PCDH11X: variants seen among roughly 807,000 people sequenced by gnomAD.
PCDH11X encodes protocadherin 11 X-linked.
Under a neutral mutation model 53.3 loss-of-function variants are expected in PCDH11X, and 18 were observed. That is an observed-to-expected ratio of 0.34 (90% CI 0.23 to 0.50). PCDH11X has a LOEUF of 0.50. Ranked by LOEUF, PCDH11X falls within the 20% of genes least tolerant of loss-of-function variation. The pLI is 0.98. For missense variants in PCDH11X, 570 were observed against 1,032.4 expected, an observed-to-expected ratio of 0.55 and a Z score of 6.14; for synonymous variants, 279 against 393.3, an observed-to-expected ratio of 0.71 and a Z score of 3.44.
chrX:92,123,155 A>G (rs1333813261), intron 6 of PCDH11X, among the ~76,000 whole-genome samples: 1 of 111,157 alleles, frequency 9.0e-6, no homozygotes, highest in African/African-American at 3.3e-5. Context: ...ATGTTGGCCT[A>G]TGTAAACTTT....
At chrX:92,406,011 C>T (rs776298624) in intron 9 of PCDH11X, among the ~76,000 whole-genome samples, 25 of 100,651 alleles carry the variant, frequency 2.5e-4, no homozygotes, top group South Asian at 4.8e-4. Flanking sequence ...AGGAGAATGG[C>T]GTGAACCCAG....
chrX:92,195,631 C>T (rs1315005313), intron 6 of PCDH11X, among the ~76,000 whole-genome samples: 1 of 110,747 alleles, frequency 9.0e-6, no homozygotes. Flanking sequence ...TTGATGATGG[C>T]AGTTATCCTA....
intron 9 of PCDH11X, among the ~76,000 whole-genome samples, chrX:92,441,426 G>C (rs2148635679): frequency 8.9e-6 from 1 of 111,745 alleles, no homozygotes; most frequent in Admixed American, 9.5e-5. Context: ...TGGTTTCATG[G>C]GCCAGGCCCA....
intron 6 of PCDH11X, among the ~76,000 whole-genome samples, chrX:92,192,413 G>T (rs1309736824): frequency 2.7e-5 from 3 of 111,588 alleles, no homozygotes; most frequent in African/African-American, 9.8e-5. Flanking sequence ...TGTGATCTCG[G>T]CTCACTGCAA....
intron 7 of PCDH11X, among the ~76,000 whole-genome samples, chrX:92,214,202 A>G (rs970027489): frequency 1.8e-5 from 2 of 111,999 alleles, no homozygotes; most frequent in African/African-American, 6.5e-5. Flanking sequence ...GCCTCATTGC[A>G]TTTTGGGTGA....
chrX:91,977,987 T>G (rs1327737714), intron 6 of PCDH11X, among the ~76,000 whole-genome samples: 2 of 111,683 alleles, frequency 1.8e-5, no homozygotes, highest in Non-Finnish European at 3.8e-5. Flanking sequence ...TTTCCCCAGA[T>G]TCAGCAATCT....
At chrX:92,239,022 T>C (rs1371972665) in intron 7 of PCDH11X, among the ~76,000 whole-genome samples, 6 of 111,752 alleles carry the variant, frequency 5.4e-5, no homozygotes, top group Admixed American at 2.9e-4. Flanking sequence ...ATCTTACTTG[T>C]AGTCATTTCA....
At chrX:92,358,257 T>C (rs1157591373) in intron 8 of PCDH11X, among the ~76,000 whole-genome samples, 3 of 99,267 alleles carry the variant, frequency 3.0e-5, no homozygotes. Flanking sequence ...TGGTCATTGA[T>C]GTCATGGAGT....
chrX:92,154,138 G>A (rs2065486302), intron 6 of PCDH11X, among the ~76,000 whole-genome samples: 2 of 110,293 alleles, frequency 1.8e-5, no homozygotes, highest in East Asian at 5.8e-4. Context: ...TATGTAAGTG[G>A]AAATCAGTCT....
chrX:92,531,378 T>C (rs1419067015), intron 10 of PCDH11X, among the ~76,000 whole-genome samples: 2 of 111,404 alleles, frequency 1.8e-5, no homozygotes, highest in Non-Finnish European at 3.8e-5. Context: ...ATGTAAATAA[T>C]TGACTAAAGT....
intron 1 of PCDH11X, among the ~76,000 whole-genome samples, chrX:91,784,652 G>C (rs1336671967): frequency 9.0e-6 from 1 of 111,673 alleles, no homozygotes; most frequent in Non-Finnish European, 1.9e-5. Flanking sequence ...CAACCAGTTA[G>C]AGCCTCTTAA....
At chrX:92,067,386 A>C in intron 6 of PCDH11X, among the ~76,000 whole-genome samples, 1 of 110,710 alleles carries the variant, frequency 9.0e-6, no homozygotes, top group East Asian at 2.9e-4. Flanking sequence ...GTTTAATTTT[A>C]TCAAATGCTT....
intron 9 of PCDH11X, among the ~76,000 whole-genome samples, chrX:92,444,349 G>A (rs1374483385): frequency 4.7e-5 from 5 of 105,408 alleles, no homozygotes; most frequent in Non-Finnish European, 7.8e-5. Flanking sequence ...TTGGGAAGGA[G>A]TGTAAAAATT....
At chrX:91,895,436 T>C (rs934985988) in intron 6 of PCDH11X, among the ~76,000 whole-genome samples, 2 of 110,929 alleles carry the variant, frequency 1.8e-5, no homozygotes, top group Admixed American at 9.7e-5. Flanking sequence ...AGTGGTAGGA[T>C]ACAAAAGATC....
At chrX:92,201,800 T>C (rs2066396235) in intron 7 of PCDH11X, among the ~76,000 whole-genome samples, 1 of 112,052 alleles carries the variant, frequency 8.9e-6, no homozygotes, top group Non-Finnish European at 1.9e-5. Context: ...ATTTAAGTTT[T>C]AGCATAATAT....
At chrX:92,156,295 G>A (rs1004470151) in intron 6 of PCDH11X, among the ~76,000 whole-genome samples, 5 of 109,450 alleles carry the variant, frequency 4.6e-5, no homozygotes, top group African/African-American at 1.7e-4. Context: ...AAGCTGCTGG[G>A]TGTGCTCTTT....
chrX:92,135,787 A>T (rs867220353), intron 6 of PCDH11X, among the ~76,000 whole-genome samples: 21 of 89,359 alleles, frequency 2.4e-4, no homozygotes, highest in Non-Finnish European at 4.3e-4. Flanking sequence ...GTGTGTGTGT[A>T]TGGTGGAATA....
chrX:92,333,964 C>T lies in PCDH11X; in HGVS notation c.3145-53771C>T, dbSNP rs753807742. ...CATTTCAGGCTCTGACAATAGCATT[C>T]GCTTTCAGACTGTGGTTGTCTCTTA... On this transcript the variant is annotated intron_variant, in intron 8 of 10. Transcript: ENST00000682573. 2.7e-3 allele frequency among the ~76,000 whole-genome samples: 295 copies of T among 110,414 alleles called. 3 individuals carry two copies. Among genetic ancestry groups the T allele is most frequent in the Non-Finnish European group, 3.9e-3 (206 of 52,843 alleles).
Position 92,254,984 on chromosome X carries a change from G to A in PCDH11X, c.3115-8130G>A, listed in dbSNP as rs756208115. Among the ~76,000 whole-genome samples the A allele has an allele frequency of 7.9e-3, 740 of 93,955 alleles. 6 individuals carry two copies. Among genetic ancestry groups the A allele is most frequent in the African/African-American group, 0.029 (720 of 25,261 alleles). 81.6% of individuals were successfully genotyped at this position (93,955 alleles called of 115,157 possible). On this transcript the variant is annotated intron_variant, in intron 7 of 10. Coordinates refer to ENST00000682573, the MANE Select transcript of PCDH11X (RefSeq NM_032968.5). Reference sequence around the variant, plus strand: ...CTGTATTTCCTGAATCTGAACGTTGGCCTGCCTTGCTAGATTGGGGAAGTT... The same window carrying A: ...CTGTATTTCCTGAATCTGAACGTTGACCTGCCTTGCTAGATTGGGGAAGTT...
Sources: gnomAD v4.1 joint callset for allele counts (sites outside exome capture counted in the v4.1 genomes callset) on GRCh38, gnomAD v4.1.1 for gene constraint, MANE v1.5 for transcripts, NCBI Gene and HGNC (gene_info 2026-07-23, HGNC 2026-07-21) for gene names.